Variants in TDRD12 observed in about 807,000 individuals in gnomAD.
TDRD12 encodes the protein tudor domain containing 12.
A neutral mutation model predicts 133.5 loss-of-function variants in TDRD12; 158 were observed. The observed-to-expected ratio is 1.18, with a 90% CI of 1.04 to 1.35. The LOEUF (loss-of-function observed/expected upper bound fraction) is 1.35, where lower values mean the gene tolerates loss of function less well. Ranked by LOEUF, TDRD12 falls within the 40% of genes most tolerant of loss-of-function variation. The probability of loss-of-function intolerance (pLI) is 0.00; values close to 1 mark genes in which losing one functional copy is unlikely to be tolerated. For synonymous variants in TDRD12, 460 were observed against 477.9 expected, an observed-to-expected ratio of 0.96 and a Z score of 0.49; for missense variants, 1,443 against 1,321.3, an observed-to-expected ratio of 1.09 and a Z score of -1.43.
intron 21 of TDRD12, among the ~76,000 whole-genome samples, chr19:32,805,188 A>G (rs1009754909): frequency 2.0e-3 from 181 of 89,580 alleles, no homozygotes; most frequent in African/African-American, 7.9e-3. Flanking sequence ...TAACATATAT[A>G]ATATATATAT....
intron 1 of TDRD12, among the ~76,000 whole-genome samples, chr19:32,721,890 G>A (rs1361602293): frequency 7.7e-6 from 1 of 129,164 alleles, no homozygotes; most frequent in Non-Finnish European, 1.7e-5. Flanking sequence ...TTTTTTTTTT[G>A]TATTTTTAGT....
chr19:32,821,083 A>G, exon 28 of TDRD12: 1 of 1,535,984 alleles, frequency 6.5e-7, no homozygotes, highest in Non-Finnish European at 8.7e-7. Context: ...CAGCCTGAGG[A>G]CACGGGTGCA....
chr19:32,789,048 C>T (rs1326176192), intron 11 of TDRD12, among the ~76,000 whole-genome samples: 2 of 152,318 alleles, frequency 1.3e-5, no homozygotes. Flanking sequence ...GAATCAGCCC[C>T]TGGCCTTCCT....
At chr19:32,772,811 A>G in exon 9 of TDRD12, 1 of 1,513,580 alleles carries the variant, frequency 6.6e-7, no homozygotes, top group Non-Finnish European at 8.8e-7. Flanking sequence ...ACAAATCTGA[A>G]AAGAAACACC....
chr19:32,780,795 G>GTTT (rs35298502), intron 11 of TDRD12, among the ~76,000 whole-genome samples: 8 of 143,300 alleles, frequency 5.6e-5, no homozygotes, highest in African/African-American at 1.0e-4. Context: ...CTTTCCTTGG[G>GTTT]TTTTTTTTTT....
chr19:32,740,500 T>G (rs1293286271), intron 3 of TDRD12, among the ~76,000 whole-genome samples: 3 of 151,932 alleles, frequency 2.0e-5, no homozygotes, highest in Non-Finnish European at 2.9e-5. Context: ...TCCTGTGTTC[T>G]CTGCATCTCC....
intron 14 of TDRD12, among the ~76,000 whole-genome samples, chr19:32,796,376 C>G (rs943290110): frequency 6.8e-4 from 103 of 152,082 alleles, no homozygotes; most frequent in African/African-American, 2.3e-3. Context: ...ATCACGAGAT[C>G]GAGATCGAGA....
intron 25 of TDRD12, among the ~76,000 whole-genome samples, chr19:32,815,100 A>G (rs1303097433): frequency 6.6e-6 from 1 of 152,150 alleles, no homozygotes; most frequent in East Asian, 1.9e-4. Flanking sequence ...AGGTAAAAGT[A>G]GTTGAGAAGG....
At chr19:32,789,833 C>T (rs78600108) in intron 11 of TDRD12, among the ~76,000 whole-genome samples, 1 of 152,028 alleles carries the variant, frequency 6.6e-6, no homozygotes, top group Non-Finnish European at 1.5e-5. Flanking sequence ...GAAACCCTGT[C>T]TCTACTAAAA....
rs137933365 is a variant in TDRD12, at chr19:32,788,457, T to C, written c.1122-2074T>C. On this transcript the variant is annotated intron_variant, in intron 11 of 27. Transcript: ENST00000444215. ...TTTTACAATTTTGTCCTCTACTCAT[T>C]TTATTGTGTTTTTTATTTCTAATAT... Among the ~76,000 whole-genome samples, 642 of 152,276 alleles carry C rather than the reference T, an allele frequency of 4.2e-3. 2 individuals carry two copies. Among genetic ancestry groups the C allele is most frequent in the African/African-American group, 0.014 (588 of 41,564 alleles).
At chr19:32,787,242 G>A (rs1970934822) in intron 11 of TDRD12, among the ~76,000 whole-genome samples, 1 of 151,960 alleles carries the variant, frequency 6.6e-6, no homozygotes, top group South Asian at 2.1e-4. Flanking sequence ...TGTTTCCCTG[G>A]GCAGAGGCTG....
At chr19:32,826,165 C>T (rs1296815705), downstream of TDRD12, 12 of 1,535,548 alleles carry the variant, frequency 7.8e-6, no homozygotes, top group Non-Finnish European at 1.0e-5. Context: ...TGAAAAGGTA[C>T]GTCCACTCGG....
chr19:32,814,194 C>G (rs952122427), intron 25 of TDRD12, among the ~76,000 whole-genome samples: 1 of 152,110 alleles, frequency 6.6e-6, no homozygotes, highest in African/African-American at 2.4e-5. Flanking sequence ...ACGAAGCCCC[C>G]ATCCTGCAGA....
intron 2 of TDRD12, among the ~76,000 whole-genome samples, chr19:32,734,688 T>C (rs1969172691): frequency 6.6e-6 from 1 of 152,122 alleles, no homozygotes; most frequent in Admixed American, 6.6e-5. Flanking sequence ...CACTTTTAAG[T>C]ACAAACAGAC....
rs376754025 is a variant in TDRD12, at chr19:32,815,999, G to GA, written c.3314+391dup. On this transcript the variant is annotated intron_variant, in intron 26 of 27. Coordinates refer to ENST00000444215, the Ensembl canonical transcript of TDRD12. ...CAGAGTGAGACTACGTCTCAAAAAAGAAAAAAAAAAAAGTAGAAGGGTTTT... is the reference window on the plus strand; with the variant it reads ...CAGAGTGAGACTACGTCTCAAAAAAGAAAAAAAAAAAAAGTAGAAGGGTTTT... Among the ~76,000 whole-genome samples, 1,218 of 127,316 alleles carry GA rather than the reference G, an allele frequency of 9.6e-3. 13 individuals are homozygous for GA. Among genetic ancestry groups the GA allele is most frequent in the African/African-American group, 0.031 (1,016 of 32,772 alleles). The allele number at this position is 127,316 out of a possible 152,430, so 83.5% of individuals were successfully genotyped here. A position where few individuals can be genotyped will look rare whatever the true frequency, so the allele number is the denominator to read the frequency against.
At chr19:32,765,007 T>C (rs1267749559) in intron 8 of TDRD12, among the ~76,000 whole-genome samples, 1 of 152,004 alleles carries the variant, frequency 6.6e-6, no homozygotes, top group Non-Finnish European at 1.5e-5. Context: ...AGGGCTAATA[T>C]CCAGAATCTA....
intron 4 of TDRD12, among the ~76,000 whole-genome samples, chr19:32,744,525 C>A (rs201965077): frequency 0.21 from 21,517 of 102,812 alleles, 1,804 homozygotes; most frequent in African/African-American, 0.24. Context: ...AAAAAAAAAA[C>A]AAAAGAATAT....
intron 6 of TDRD12, among the ~76,000 whole-genome samples, chr19:32,755,128 A>ATTT (rs71336960): frequency 0.23 from 34,424 of 151,918 alleles, 4,158 homozygotes; most frequent in African/African-American, 0.32. Flanking sequence ...GTCCTCTTCC[A>ATTT]TTGTGTGGAT....
intron 8 of TDRD12, among the ~76,000 whole-genome samples, chr19:32,763,746 C>G (rs927829172): frequency 1.3e-5 from 2 of 152,170 alleles, no homozygotes; most frequent in African/African-American, 4.8e-5. Flanking sequence ...CGGAGGTGTC[C>G]GTGCCGACCC....
Sources: gnomAD v4.1 joint callset for allele counts (sites outside exome capture counted in the v4.1 genomes callset) on GRCh38, gnomAD v4.1.1 for gene constraint, MANE v1.5 for transcripts, NCBI Gene and HGNC (gene_info 2026-07-23, HGNC 2026-07-21) for gene names.